The following PIK3C2G variants were observed in gnomAD, a reference collection of about 807,000 sequenced individuals.
PIK3C2G encodes the protein phosphatidylinositol 3-kinase C2 domain-containing subunit gamma.
PIK3C2G carries 168 observed loss-of-function variants against 181.1 expected under a neutral mutation model. That is an observed-to-expected ratio of 0.93 (90% CI 0.82 to 1.05). The LOEUF is 1.05. Ranked by LOEUF, PIK3C2G falls within the 50% of genes least tolerant of loss-of-function variation. PIK3C2G has a pLI of 0.00. For missense variants in PIK3C2G, 1,869 were observed against 1,732.8 expected (o/e 1.08, Z -1.40); for synonymous variants, 573 against 592.2 (o/e 0.97, Z 0.47).
At chr12:18,598,180 C>T (rs757359687) in intron 30 of PIK3C2G, among the ~76,000 whole-genome samples, 4,337 of 151,910 alleles carry the variant, frequency 0.029, 70 homozygotes, top group Middle Eastern at 0.061. Flanking sequence ...AAAAAGAGCC[C>T]GCGTTGCCAA....
chr12:18,354,723 C>T (rs552286017), intron 11 of PIK3C2G, among the ~76,000 whole-genome samples: 2 of 152,266 alleles, frequency 1.3e-5, no homozygotes, highest in East Asian at 1.9e-4. Context: ...TCAAAGCAGT[C>T]GCAGTCATTC....
intron 31 of PIK3C2G, among the ~76,000 whole-genome samples, chr12:18,629,496 T>A (rs1327472913): frequency 6.6e-6 from 1 of 152,118 alleles, no homozygotes; most frequent in Non-Finnish European, 1.5e-5. Context: ...AGATGAAGTC[T>A]CTAAAAGAAA....
intron 16 of PIK3C2G, among the ~76,000 whole-genome samples, chr12:18,408,061 G>A (rs990484342): frequency 6.6e-6 from 1 of 152,146 alleles, no homozygotes; most frequent in Admixed American, 6.5e-5. Context: ...ATCTCTTAAA[G>A]ATCACTCTGG....
At chr12:18,696,465 ATTAT>A in the PIK3C2G span, among the ~76,000 whole-genome samples, 2 of 150,858 alleles carry the variant, frequency 1.3e-5, no homozygotes, top group African/African-American at 4.9e-5. Flanking sequence ...ATAATTCACT[ATTAT>A]TTAGATGTTA....
intron 16 of PIK3C2G, among the ~76,000 whole-genome samples, chr12:18,417,943 T>C (rs979821147): frequency 5.9e-5 from 9 of 152,164 alleles, no homozygotes; most frequent in African/African-American, 1.9e-4. Flanking sequence ...GTGGTATTTA[T>C]AAAATTAAAC....
intron 14 of PIK3C2G, among the ~76,000 whole-genome samples, chr12:18,384,407 G>T (rs1053541314): frequency 6.6e-6 from 1 of 152,138 alleles, no homozygotes; most frequent in Admixed American, 6.5e-5. Flanking sequence ...TAGGCCTGTG[G>T]GGTGTGTAAG....
At chr12:18,701,629 CCTCCTCCTCCT>C in the PIK3C2G span, 1 of 1,583,408 alleles carries the variant, frequency 6.3e-7, no homozygotes. Context: ...TCCTCCTCCT[CCTCCTCCTCCT>C]CCTCCTCCTC....
intron 30 of PIK3C2G, among the ~76,000 whole-genome samples, chr12:18,597,804 AGG>A (rs1372913506): frequency 3.9e-5 from 6 of 151,960 alleles, no homozygotes; most frequent in African/African-American, 1.4e-4. Flanking sequence ...GCAAAGTCTC[AGG>A]ATACAAAATC....
intron 29 of PIK3C2G, among the ~76,000 whole-genome samples, chr12:18,583,543 T>C (rs1022988062): frequency 3.9e-5 from 6 of 152,084 alleles, no homozygotes; most frequent in African/African-American, 1.4e-4. Flanking sequence ...TCCTGCTGTC[T>C]CCAGGCTCTG....
At chr12:18,292,227 A>AAAAAATATATATATATATATATAT in intron 4 of PIK3C2G, among the ~76,000 whole-genome samples, 1 of 48,750 alleles carries the variant, frequency 2.1e-5, no homozygotes, top group African/African-American at 1.1e-4. Flanking sequence ...AAAAAAAAAA[A>AAAAAATATATATATATATATATAT]ATATATATAT....
chr12:18,275,586 T>C (rs1010560792), intron 1 of PIK3C2G, among the ~76,000 whole-genome samples: 1 of 152,146 alleles, frequency 6.6e-6, no homozygotes, highest in Non-Finnish European at 1.5e-5. Context: ...TTTCACCATG[T>C]TGGCCAGGCT....
intron 29 of PIK3C2G, among the ~76,000 whole-genome samples, chr12:18,570,757 T>A (rs945076292): frequency 6.7e-6 from 1 of 150,148 alleles, no homozygotes; most frequent in Admixed American, 6.6e-5. Flanking sequence ...ATGAGTAGAG[T>A]GAGTCAAGAA....
intron 5 of PIK3C2G, among the ~76,000 whole-genome samples, chr12:18,294,998 C>T (rs570758220): frequency 2.4e-4 from 28 of 118,726 alleles, no homozygotes; most frequent in African/African-American, 7.1e-4. Context: ...CAGTGAATGG[C>T]CTTAAGACTA....
chr12:18,282,875 T>A lies in PIK3C2G; in HGVS notation c.678+116T>A, dbSNP rs541096386. On this transcript the variant is annotated intron_variant, in intron 2 of 32. Coordinates refer to ENST00000538779, the MANE Select transcript of PIK3C2G (RefSeq NM_001288772.2). Reference sequence around the variant, plus strand: ...CTTAAATAGGGAAATCTATTCATCTTACTTTTGAAAAAAATTTTCACAAAT... The same window carrying A: ...CTTAAATAGGGAAATCTATTCATCTAACTTTTGAAAAAAATTTTCACAAAT... 9.5e-5 allele frequency: 68 copies of A among 715,610 alleles called. 1 individual carries two copies. In the South Asian group the frequency reaches 2.1e-3, roughly 22 times the overall value. 44.3% of individuals were successfully genotyped at this position (715,610 alleles called of 1,614,324 possible). A position where few individuals can be genotyped will look rare whatever the true frequency, so the allele number is the denominator to read the frequency against.
intron 32 of PIK3C2G, among the ~76,000 whole-genome samples, chr12:18,641,743 C>CTTTTTTTTTTTTTTTTTTTTTTTTTTT (rs11285609): frequency 6.4e-5 from 6 of 93,164 alleles, no homozygotes; most frequent in Non-Finnish European, 9.5e-5. Flanking sequence ...CTCTCTCAAG[C>CTTTTTTTTTTTTTTTTTTTTTTTTTTT]TTTTTTTTTT....
chr12:18,243,720 T>C (rs192480428), upstream of PIK3C2G, among the ~76,000 whole-genome samples: 2 of 152,134 alleles, frequency 1.3e-5, no homozygotes, highest in Admixed American at 1.3e-4. Context: ...TCCCATTTCC[T>C]ATAATTCCTC....
At chr12:18,379,027 G>T in intron 13 of PIK3C2G, among the ~76,000 whole-genome samples, 1 of 152,018 alleles carries the variant, frequency 6.6e-6, no homozygotes, top group African/African-American at 2.4e-5. Context: ...TATACCCAAA[G>T]GATTATAAAT....
intron 6 of PIK3C2G, among the ~76,000 whole-genome samples, chr12:18,318,014 TA>T (rs1950943604): frequency 6.6e-6 from 1 of 152,214 alleles, no homozygotes; most frequent in African/African-American, 2.4e-5. Flanking sequence ...CCTTTACAAT[TA>T]AAAATTCTAA....
chr12:18,345,519 GCA>G (rs1939588566), intron 10 of PIK3C2G, among the ~76,000 whole-genome samples: 1 of 152,114 alleles, frequency 6.6e-6, no homozygotes, highest in African/African-American at 2.4e-5. Context: ...ACGTACTGAG[GCA>G]CAGACAGGAT....
Sources: allele counts gnomAD v4.1 joint callset (sites outside exome capture counted in the v4.1 genomes callset), GRCh38; gene constraint gnomAD v4.1.1; transcripts MANE v1.5; gene names NCBI Gene and HGNC (gene_info 2026-07-23, HGNC 2026-07-21).